CAVIN1: variants seen among roughly 807,000 people sequenced by gnomAD.
The protein encoded by CAVIN1 is caveolae-associated protein 1.
A neutral mutation model predicts 24.0 loss-of-function variants in CAVIN1; 16 were observed. The observed-to-expected ratio is 0.67, with a 90% CI of 0.45 to 1.01. The LOEUF is 1.01. CAVIN1 is among the 50% of genes least tolerant of loss of function. The pLI is 0.00. For synonymous variants in CAVIN1, 256 were observed against 256.4 expected, an observed-to-expected ratio of 1.00 and a Z score of 0.02; for missense variants, 510 against 551.7, an observed-to-expected ratio of 0.92 and a Z score of 0.76.
chr17:42,419,196 G>A (rs1392833962), intron 1 of CAVIN1, among the ~76,000 whole-genome samples: 1 of 152,050 alleles, frequency 6.6e-6, no homozygotes, highest in African/African-American at 2.4e-5. Flanking sequence ...GAACTTGTCT[G>A]AAAAACAAAA....
intron 1 of CAVIN1, among the ~76,000 whole-genome samples, chr17:42,419,245 T>C (rs771269258): frequency 1.3e-4 from 20 of 152,174 alleles, no homozygotes; most frequent in Middle Eastern, 3.4e-3. Flanking sequence ...CCTGGAAGAA[T>C]TGGTTCTTTA....
chr17:42,422,721 C>A lies in CAVIN1; in HGVS notation c.377G>T (p.Gly126Val), dbSNP rs202157898. The change falls in exon 1 of 2, where the codon GGC becomes GTC. Residue 126 changes from glycine to valine, a missense_variant. Coordinates refer to ENST00000357037, the MANE Select transcript of CAVIN1 (RefSeq NM_012232.6). ...CTGCCCCGCCTGGCGCTCCAGGCTG[C>A]CGCGCACGGTCTTCACGTTGACGCT... The part of the protein sequence containing the change: ...KVSVNVKTVR[G>V]SLERQAGQIK... 1 of 1,609,678 alleles carries A rather than the reference C, an allele frequency of 6.2e-7. No homozygotes were observed. Among genetic ancestry groups the A allele is most frequent in the African/African-American group, 1.3e-5 (1 of 74,938 alleles).
chr17:42,412,367 G>A (rs1342588767), intron 1 of CAVIN1: 2 of 490,330 alleles, frequency 4.1e-6, no homozygotes, highest in Non-Finnish European at 5.3e-6. Context: ...GGAGCACAAT[G>A]TATTAGGATG....
intron 1 of CAVIN1, among the ~76,000 whole-genome samples, chr17:42,410,689 A>C (rs1204867892): frequency 6.6e-6 from 1 of 151,722 alleles, no homozygotes; most frequent in Non-Finnish European, 1.5e-5. Flanking sequence ...CGAGGTGGGC[A>C]GATTACGAGG....
rs773447311 is a variant in CAVIN1, at chr17:42,422,793, G to A, written c.305C>T (p.Thr102Ile). 8 of 1,613,668 alleles carry A rather than the reference G, an allele frequency of 5.0e-6. No individual in the cohort carries two copies. The highest frequency in any genetic ancestry group is 1.1e-5 in the South Asian group (1 of 91,036). Residue 102 changes from threonine to isoleucine, a missense_variant, in exon 1 of 2, where the codon ACC (threonine) becomes ATC (isoleucine). Transcript: ENST00000357037. Reference protein sequence around the residue: ...ELSKLGKAHATTSNTVSKLLE... With the variant: ...ELSKLGKAHAITSNTVSKLLE... ...CAGCTTGCTCACCGTATTGCTCGTG[G>A]TGGCGTGCGCCTTGCCCAGCTTGCT...
intron 1 of CAVIN1, among the ~76,000 whole-genome samples, chr17:42,422,013 C>T (rs2085550773): frequency 6.6e-6 from 1 of 152,142 alleles, no homozygotes; most frequent in Non-Finnish European, 1.5e-5. Flanking sequence ...CAGAGAGCAG[C>T]GAGGGGACAG....
Position 42,422,614 on chromosome 17 carries a change from C to T in CAVIN1, c.471+13G>A. On this transcript the variant is annotated intron_variant, in intron 1 of 1. Coordinates refer to ENST00000357037, the MANE Select transcript of CAVIN1 (RefSeq NM_012232.6). ...CGCGGGAGCTCTGGGCGCCTTCCGC[C>T]CTGTGGGCTCACCTGGTAGATCATG... is the stretch of plus-strand genomic sequence containing the variant. The T allele has an allele frequency of 1.9e-6, 3 of 1,555,856 alleles. No homozygotes were observed. Among genetic ancestry groups the T allele is most frequent in the Non-Finnish European group, 2.6e-6 (3 of 1,149,276 alleles).
Position 42,404,916 on chromosome 17 carries a change from A to G in CAVIN1, c.944T>C (p.Val315Ala), listed in dbSNP as rs2085433086. ...GAAGGTGAAGGGTGGCACCTTGTAG[A>G]CCGCGGTCTTGGAGCGCGCGTACAC... is the stretch of plus-strand genomic sequence containing the variant. ...HVVYARSKTA[V>A]YKVPPFTFHV... The change falls in exon 2 of 2, where the codon GTC becomes GCC. Residue 315 changes from valine to alanine, a missense_variant. Transcript: ENST00000357037. 6.2e-7 allele frequency: 1 copy of G among 1,613,746 alleles called. No individual in the cohort carries two copies. Among genetic ancestry groups the G allele is most frequent in the Non-Finnish European group, 8.5e-7 (1 of 1,179,882 alleles).
intron 1 of CAVIN1, among the ~76,000 whole-genome samples, chr17:42,419,218 CA>C (rs1427204542): frequency 6.6e-6 from 1 of 151,920 alleles, no homozygotes; most frequent in Non-Finnish European, 1.5e-5. Context: ...CAAAAAACCC[CA>C]AAAAACAAAT....
At chr17:42,419,021 G>C (rs577475202) in intron 1 of CAVIN1, among the ~76,000 whole-genome samples, 2 of 151,948 alleles carry the variant, frequency 1.3e-5, no homozygotes, top group Non-Finnish European at 2.9e-5. Context: ...GTGAGACCCC[G>C]GACTCTACAA....
chr17:42,415,767 TA>T (rs1292476180), intron 1 of CAVIN1, among the ~76,000 whole-genome samples: 1 of 151,494 alleles, frequency 6.6e-6, no homozygotes, highest in African/African-American at 2.4e-5. Context: ...AAGAAAAATT[TA>T]AAAAATGCTA....
intron 1 of CAVIN1, chr17:42,411,525 AG>A (rs1285984324): frequency 1.0e-6 from 1 of 985,230 alleles, no homozygotes; most frequent in Non-Finnish European, 1.2e-6. Context: ...ACCCCACCCA[AG>A]GCAGGATCTG....
chr17:42,405,232 C>T lies in CAVIN1; in HGVS notation c.628G>A (p.Glu210Lys), dbSNP rs750186456. ...ELSSDEAVEV[E>K]EVIEESRAER... ...GCGCGGGACTCCTCAATAACCTCCT[C>T]AACCTCCACCGCCTCGTCCGACGAA... The change falls in exon 2 of 2, where the codon GAG becomes AAG. Residue 210 changes from glutamate (E) to lysine (K), a missense_variant. Transcript: ENST00000357037. The T allele has an allele frequency of 9.9e-6, 16 of 1,613,782 alleles. No homozygotes were observed. Among genetic ancestry groups the T allele is most frequent in the Non-Finnish European group, 1.3e-5 (15 of 1,179,964 alleles).
chr17:42,409,675 G>C (rs1215720904), intron 1 of CAVIN1, among the ~76,000 whole-genome samples: 1 of 151,974 alleles, frequency 6.6e-6, no homozygotes, highest in African/African-American at 2.4e-5. Context: ...TTGGAGTGCT[G>C]TCTTGGTCCC....
chr17:42,407,413 C>T, intron 1 of CAVIN1, among the ~76,000 whole-genome samples: 1 of 152,088 alleles, frequency 6.6e-6, no homozygotes. Context: ...TATACATAGG[C>T]TGCTCGGTAT....
chr17:42,407,714 G>A (rs891048296), intron 1 of CAVIN1, among the ~76,000 whole-genome samples: 4 of 152,158 alleles, frequency 2.6e-5, no homozygotes, highest in Non-Finnish European at 5.9e-5. Flanking sequence ...GGCATGCTGG[G>A]ACTTGTAGTC....
intron 1 of CAVIN1, among the ~76,000 whole-genome samples, chr17:42,407,622 T>C (rs1292727139): frequency 6.6e-6 from 1 of 152,182 alleles, no homozygotes; most frequent in Non-Finnish European, 1.5e-5. Context: ...CATCTGGGCA[T>C]CAGCTCTGCT....
rs1428394371 is a variant in CAVIN1, at chr17:42,404,652, G to A, written c.*35C>T. 8.3e-6 allele frequency: 11 copies of A among 1,330,950 alleles called. No homozygotes were observed. The highest frequency in any genetic ancestry group is 1.1e-5 in the Non-Finnish European group (11 of 1,016,720). The allele number at this position is 1,330,950 out of a possible 1,614,324, so 82.4% of individuals were successfully genotyped here. ...GAATGCGAAAGAGGAAGTTCGGAAG[G>A]AGCGAGGAATGGGGTGGGTGGCAGC... On this transcript the variant is annotated 3_prime_UTR_variant, in exon 2 of 2. Transcript: ENST00000357037.
intron 1 of CAVIN1, among the ~76,000 whole-genome samples, chr17:42,409,992 A>C (rs1249519362): frequency 1.3e-5 from 2 of 152,074 alleles, no homozygotes; most frequent in Non-Finnish European, 2.9e-5. Context: ...TCAATCCTCG[A>C]TGGATGCAGA....
Sources: allele counts gnomAD v4.1 joint callset (sites outside exome capture counted in the v4.1 genomes callset), GRCh38; gene constraint gnomAD v4.1.1; transcripts MANE v1.5; gene names NCBI Gene and HGNC (gene_info 2026-07-23, HGNC 2026-07-21).